Variants in LHFPL3 observed in about 807,000 individuals in gnomAD.
LHFPL3 encodes the protein LHFPL tetraspan subfamily member 3 protein.
In LHFPL3, 5 loss-of-function variants were observed where a neutral mutation model predicts 19.3. That is an observed-to-expected ratio of 0.26 (90% CI 0.14 to 0.54). The LOEUF (loss-of-function observed/expected upper bound fraction) is 0.54. LHFPL3 is among the 20% of genes least tolerant of loss of function. The pLI, the probability that LHFPL3 is intolerant of heterozygous loss-of-function variation, is 0.94. For missense variants in LHFPL3, 249 were observed against 307.4 expected (o/e 0.81, Z 1.42); for synonymous variants, 133 against 126.2 (o/e 1.05, Z -0.36).
chr7:104,444,768 C>G (rs1792295358), intron 1 of LHFPL3, among the ~76,000 whole-genome samples: 1 of 152,108 alleles, frequency 6.6e-6, no homozygotes, highest in African/African-American at 2.4e-5. Context: ...GCAGGCAGAT[C>G]ACCTGAGGTC....
At chr7:104,732,172 G>A (rs937075699) in intron 1 of LHFPL3, among the ~76,000 whole-genome samples, 4 of 152,156 alleles carry the variant, frequency 2.6e-5, no homozygotes, top group Non-Finnish European at 5.9e-5. Flanking sequence ...CAGGGATATT[G>A]ATCTAAAATT....
intron 2 of LHFPL3, among the ~76,000 whole-genome samples, chr7:104,839,193 G>A (rs893279172): frequency 6.6e-6 from 1 of 152,158 alleles, no homozygotes; most frequent in South Asian, 2.1e-4. Flanking sequence ...TCACCCCAGA[G>A]GGAGGACAGG....
At chr7:104,668,198 G>A (rs375942542) in intron 1 of LHFPL3, 96 of 1,613,718 alleles carry the variant, frequency 5.9e-5, no homozygotes, top group Non-Finnish European at 7.8e-5. Context: ...TGGATTCCCT[G>A]CTCAGTGCCC....
rs550263659 is a variant in LHFPL3, at chr7:104,858,789, G to A, written c.683-47398G>A. 9.9e-5 allele frequency among the ~76,000 whole-genome samples: 15 copies of A among 152,078 alleles called. No individual in the cohort carries two copies. The East Asian group carries it at 2.3e-3, about 24-fold the overall frequency. On this transcript the variant is annotated intron_variant, in intron 2 of 2. Coordinates refer to ENST00000424859, the MANE Select transcript of LHFPL3 (RefSeq NM_199000.3). ...TCCCCTTGGGTCCCTCCAGAGGTTC[G>A]AGTCTGTCAATTACTTTTTTTTCTC...
intron 1 of LHFPL3, among the ~76,000 whole-genome samples, chr7:104,408,961 C>T (rs1455615653): frequency 1.3e-5 from 2 of 149,908 alleles, no homozygotes; most frequent in African/African-American, 2.5e-5. Context: ...GCCTCCGGGG[C>T]TCATGCCATT....
chr7:104,353,884 T>C (rs1383097762), intron 1 of LHFPL3, among the ~76,000 whole-genome samples: 1 of 152,218 alleles, frequency 6.6e-6, no homozygotes, highest in East Asian at 1.9e-4. Flanking sequence ...GCCACCTACC[T>C]GGTAAGTGGA....
chr7:104,890,536 GT>G (rs1466463503), intron 2 of LHFPL3, among the ~76,000 whole-genome samples: 1 of 152,228 alleles, frequency 6.6e-6, no homozygotes, highest in African/African-American at 2.4e-5. Flanking sequence ...AATTGGCTGT[GT>G]GTTTGTCCCT....
intron 1 of LHFPL3, among the ~76,000 whole-genome samples, chr7:104,374,417 TTTTTAGTA>T (rs1174164802): frequency 6.6e-6 from 1 of 152,128 alleles, no homozygotes; most frequent in East Asian, 1.9e-4. Flanking sequence ...AATTTTTGTA[TTTTTAGTA>T]GAGACGGGGT....
chr7:104,883,144 C>T (rs1262803558), intron 2 of LHFPL3, among the ~76,000 whole-genome samples: 1 of 152,110 alleles, frequency 6.6e-6, no homozygotes, highest in South Asian at 2.1e-4. Context: ...AGAGAAAAAG[C>T]AAAGAGAAAC....
chr7:104,557,965 C>G (rs531527381), intron 1 of LHFPL3, among the ~76,000 whole-genome samples: 11,399 of 144,630 alleles, frequency 0.079, 963 homozygotes, highest in African/African-American at 0.23. Flanking sequence ...TACTGAGAAT[C>G]ATGATTTCCA....
intron 1 of LHFPL3, among the ~76,000 whole-genome samples, chr7:104,663,749 A>G (rs10953440): frequency 0.94 from 143,031 of 152,288 alleles, 67,792 homozygotes; most frequent in South Asian, 1. Flanking sequence ...TTTGTCATAT[A>G]TTACAGAGAC....
In LHFPL3 at chr7:104,436,245, G is replaced by A. The variant is rs536756751; in HGVS notation, c.445+107021G>A. ...GGCTGCTAGAATATTTTAAAGTTTT[G>A]TAAGTGGTTTGCATTATATTTTTAT... On this transcript the variant is annotated intron_variant, in intron 1 of 2. Coordinates refer to ENST00000424859, the MANE Select transcript of LHFPL3 (RefSeq NM_199000.3). 2.0e-5 allele frequency among the ~76,000 whole-genome samples: 3 copies of A among 152,152 alleles called. No homozygotes were observed. In the South Asian group the frequency reaches 6.2e-4, roughly 32 times the overall value.
chr7:104,897,039 T>C (rs1489963535), intron 2 of LHFPL3, among the ~76,000 whole-genome samples: 3 of 151,642 alleles, frequency 2.0e-5, no homozygotes, highest in Non-Finnish European at 4.4e-5. Flanking sequence ...TGAGCCAAGA[T>C]TGCACCACTG....
intron 1 of LHFPL3, among the ~76,000 whole-genome samples, chr7:104,509,048 A>C (rs1793760209): frequency 6.6e-6 from 1 of 152,150 alleles, no homozygotes; most frequent in Admixed American, 6.5e-5. Context: ...CAACTCAAGC[A>C]ATATGAATTA....
intron 1 of LHFPL3, among the ~76,000 whole-genome samples, chr7:104,379,414 T>C (rs1790780482): frequency 1.3e-5 from 2 of 152,224 alleles, no homozygotes; most frequent in Admixed American, 6.5e-5. Flanking sequence ...TCATTTTTTG[T>C]GTTTTCTTGA....
At chr7:104,532,318 CTTTTTTTTTTT>C (rs71155504) in intron 1 of LHFPL3, among the ~76,000 whole-genome samples, 1 of 87,228 alleles carries the variant, frequency 1.1e-5, no homozygotes, top group Non-Finnish European at 2.1e-5. Flanking sequence ...TTCTTTCTGT[CTTTTTTTTTTT>C]TTTTTTTTTT....
intron 2 of LHFPL3, among the ~76,000 whole-genome samples, chr7:104,897,951 G>T (rs1279309082): frequency 6.7e-6 from 1 of 149,416 alleles, no homozygotes; most frequent in African/African-American, 2.5e-5. Flanking sequence ...ACCAGAATGG[G>T]ATCCACATCA....
chr7:104,708,758 G>A (rs1793237012), intron 1 of LHFPL3, among the ~76,000 whole-genome samples: 1 of 152,062 alleles, frequency 6.6e-6, no homozygotes, highest in Non-Finnish European at 1.5e-5. Flanking sequence ...AATGATCTGG[G>A]ACTAAAAATG....
At position 104,736,399 on chromosome 7, in the gene LHFPL3, G is replaced by A. The variant is rs144399490; in HGVS notation, c.446-276G>A. Among the ~76,000 whole-genome samples the A allele has an allele frequency of 2.6e-4, 40 of 152,012 alleles. No individual in the cohort carries two copies. The East Asian group carries it at 3.7e-3, about 14-fold the overall frequency. ...TCTTAATATTTTCTTAACCTCTTTC[G>A]GGATGCTTGCGTTCACTGTAAAGTG... On this transcript the variant is annotated intron_variant, in intron 1 of 2. Transcript: ENST00000424859.
Sources: gnomAD v4.1 joint callset for allele counts (sites outside exome capture counted in the v4.1 genomes callset) on GRCh38, gnomAD v4.1.1 for gene constraint, MANE v1.5 for transcripts, NCBI Gene and HGNC (gene_info 2026-07-23, HGNC 2026-07-21) for gene names.